NTRK2: variants seen among roughly 807,000 people sequenced by gnomAD.
NTRK2 encodes neurotrophic receptor tyrosine kinase 2.
A neutral mutation model predicts 94.5 loss-of-function variants in NTRK2; 13 were observed. The ratio of observed to expected loss-of-function variants is 0.14; its 90% confidence interval spans 0.09 to 0.22. NTRK2 has a LOEUF of 0.22. Ranked by LOEUF, NTRK2 falls within the 10% of genes least tolerant of loss-of-function variation. NTRK2 has a pLI of 1.00. For synonymous variants in NTRK2, 372 were observed against 407.4 expected, an observed-to-expected ratio of 0.91 and a Z score of 1.05; for missense variants, 639 against 1,071.2, an observed-to-expected ratio of 0.60 and a Z score of 5.63.
At chr9:84,689,281 T>C (rs1476021348) in intron 2 of NTRK2, among the ~76,000 whole-genome samples, 3 of 152,272 alleles carry the variant, frequency 2.0e-5, no homozygotes, top group African/African-American at 7.2e-5. Flanking sequence ...AACCTTTGCA[T>C]GCCCTTTGGC....
At chr9:84,744,798 G>C (rs1187095667) in intron 10 of NTRK2, among the ~76,000 whole-genome samples, 175 bp from the exon 11 acceptor site, 1 of 152,136 alleles carries the variant, frequency 6.6e-6, no homozygotes, top group Non-Finnish European at 1.5e-5. Context: ...CAGTCTCAGC[G>C]CTGCAGTGCA....
intron 17 of NTRK2, among the ~76,000 whole-genome samples, chr9:85,002,748 G>A (rs1340648552): frequency 2.6e-5 from 4 of 152,186 alleles, no homozygotes; most frequent in Non-Finnish European, 1.5e-5. Context: ...ATATGGAAAG[G>A]TAAAGTCTGA....
chr9:85,011,503 A>ACCG (rs1316264279), intron 17 of NTRK2, among the ~76,000 whole-genome samples: 3 of 152,164 alleles, frequency 2.0e-5, no homozygotes, highest in Admixed American at 2.0e-4. Flanking sequence ...ATCCGATAAG[A>ACCG]TTAGTGTTCT....
At chr9:84,868,668 G>C (rs1351246198) in intron 14 of NTRK2, among the ~76,000 whole-genome samples, 1 of 152,102 alleles carries the variant, frequency 6.6e-6, no homozygotes, top group East Asian at 1.9e-4. Context: ...CTGTCATTGT[G>C]GTGTGAACAA....
chr9:84,846,736 C>T (rs1210402678), intron 12 of NTRK2, among the ~76,000 whole-genome samples: 1 of 152,190 alleles, frequency 6.6e-6, no homozygotes, highest in African/African-American at 2.4e-5. Flanking sequence ...TAGTGATAGC[C>T]AATAAATTAA....
chr9:84,822,679 A>G lies in NTRK2; in HGVS notation c.1397-38361A>G, dbSNP rs373075092. Among the ~76,000 whole-genome samples, 3 of 152,282 alleles carry G rather than the reference A, an allele frequency of 2.0e-5. No homozygotes were observed. In the East Asian group the frequency reaches 5.8e-4, roughly 29 times the overall value. On this transcript the variant is annotated intron_variant, in intron 12 of 18. Transcript: ENST00000277120. ...CGTTCACTCTAGGGAGTTACTGGCG[A>G]GGCTGCTGGGGAGTATTTGAGCCAA...
At position 84,803,915 on chromosome 9, in the gene NTRK2, T is replaced by G. The variant is rs187961237; in HGVS notation, c.1396+51830T>G. Among the ~76,000 whole-genome samples the G allele has an allele frequency of 4.5e-3, 683 of 152,328 alleles. 5 individuals carry two copies. The highest frequency in any genetic ancestry group is 0.044 in the Middle Eastern group (13 of 294). The stretch of plus-strand genomic sequence containing the variant: ...CTGTATTCAAGTGAGGGTAATTTGT[T>G]TGACCCTCTTCTAGCTTAATTGGTA... On this transcript the variant is annotated intron_variant, in intron 12 of 18. Coordinates refer to ENST00000277120, the MANE Select transcript of NTRK2 (RefSeq NM_006180.6).
intron 12 of NTRK2, among the ~76,000 whole-genome samples, chr9:84,855,050 G>C (rs2074997202): frequency 6.7e-6 from 1 of 149,758 alleles, no homozygotes; most frequent in Non-Finnish European, 1.5e-5. Flanking sequence ...ACACTGGGCT[G>C]TTTCATGGGG....
chr9:84,851,076 A>G (rs2074743699), intron 12 of NTRK2, among the ~76,000 whole-genome samples: 1 of 152,112 alleles, frequency 6.6e-6, no homozygotes, highest in South Asian at 2.1e-4. Flanking sequence ...AGACTGTCCT[A>G]TGCATTGTCC....
intron 11 of NTRK2, among the ~76,000 whole-genome samples, chr9:84,751,315 C>A (rs370260607): frequency 6.6e-6 from 1 of 152,184 alleles, no homozygotes; most frequent in African/African-American, 2.4e-5. Flanking sequence ...TGCGGTGGCT[C>A]ATGCCTATAT....
intron 9 of NTRK2, among the ~76,000 whole-genome samples, chr9:84,729,092 G>A (rs2062660390): frequency 6.6e-6 from 1 of 152,190 alleles, no homozygotes; most frequent in Admixed American, 6.5e-5. Context: ...GCATGTACCT[G>A]TGTGGCTCCC....
intron 12 of NTRK2, among the ~76,000 whole-genome samples, chr9:84,803,791 ATAT>A (rs1361869373): frequency 6.6e-6 from 1 of 152,136 alleles, no homozygotes; most frequent in Non-Finnish European, 1.5e-5. Context: ...TTAGCCCCAC[ATAT>A]GTATGTTTCG....
At chr9:84,887,134 G>A (rs749119852) in intron 14 of NTRK2, among the ~76,000 whole-genome samples, 3 of 151,822 alleles carry the variant, frequency 2.0e-5, no homozygotes, top group African/African-American at 4.8e-5. Flanking sequence ...TGGTTCATCC[G>A]AAAAAAAAGA....
intron 6 of NTRK2, among the ~76,000 whole-genome samples, chr9:84,722,431 C>T (rs1309558752): frequency 1.3e-5 from 2 of 151,972 alleles, no homozygotes; most frequent in Non-Finnish European, 2.9e-5. Context: ...AATGTGAAGA[C>T]GAAGGGTCAG....
At chr9:84,876,581 C>T (rs199695966) in intron 14 of NTRK2, 94 of 1,056,984 alleles carry the variant, frequency 8.9e-5, no homozygotes, top group Non-Finnish European at 1.0e-4. Context: ...ACTAACTGGT[C>T]TCACATTTTC....
chr9:84,927,813 A>G (rs7045900), intron 14 of NTRK2, among the ~76,000 whole-genome samples: 22,189 of 152,078 alleles, frequency 0.15, 2,424 homozygotes, highest in African/African-American at 0.3. Context: ...GCCCATAATA[A>G]CAATCAGCAC....
chr9:84,726,250 G>A (rs1263234884), intron 8 of NTRK2, among the ~76,000 whole-genome samples: 4 of 152,196 alleles, frequency 2.6e-5, no homozygotes, highest in Non-Finnish European at 5.9e-5. Context: ...ACTTTGGGAG[G>A]CCGAGGCGGG....
intron 12 of NTRK2, chr9:84,810,391 T>C: frequency 1.3e-6 from 1 of 755,032 alleles, no homozygotes; most frequent in Non-Finnish European, 2.2e-6. Context: ...TGTTATTATA[T>C]ATTGCTCTAT....
intron 12 of NTRK2, among the ~76,000 whole-genome samples, chr9:84,803,287 C>T (rs1245516176): frequency 1.3e-5 from 2 of 152,188 alleles, no homozygotes; most frequent in Non-Finnish European, 2.9e-5. Context: ...TCATAATCCT[C>T]CTCTGTTTTC....
Sources: allele counts gnomAD v4.1 joint callset (sites outside exome capture counted in the v4.1 genomes callset), GRCh38; gene constraint gnomAD v4.1.1; transcripts MANE v1.5; gene names NCBI Gene and HGNC (gene_info 2026-07-23, HGNC 2026-07-21).